RSRC1: variants seen among roughly 807,000 people sequenced by gnomAD.
The protein encoded by RSRC1 is arginine and serine rich coiled-coil 1.
In RSRC1, 39 loss-of-function variants were observed where a neutral mutation model predicts 49.1. That is an observed-to-expected ratio of 0.79 (90% CI 0.61 to 1.04). The LOEUF (loss-of-function observed/expected upper bound fraction) is 1.04. Ranked by LOEUF, RSRC1 falls within the 50% of genes least tolerant of loss-of-function variation. The pLI, the probability that RSRC1 is intolerant of heterozygous loss-of-function variation, is 0.00. For missense variants in RSRC1, 388 were observed against 402.4 expected (o/e 0.96, Z 0.31); for synonymous variants, 143 against 130.8 (o/e 1.09, Z -0.63).
At chr3:158,517,573 A>C (rs1426733557) in intron 7 of RSRC1, among the ~76,000 whole-genome samples, 1 of 148,924 alleles carries the variant, frequency 6.7e-6, no homozygotes, top group African/African-American at 2.5e-5. Context: ...TTCAACTTCA[A>C]GTAAATAGTA....
chr3:158,517,633 C>A (rs144775226), intron 7 of RSRC1, among the ~76,000 whole-genome samples: 1 of 151,000 alleles, frequency 6.6e-6, no homozygotes, highest in African/African-American at 2.4e-5. Flanking sequence ...TGCTGTGTTG[C>A]CCCAGGTAGA....
chr3:158,452,170 T>C (rs12496739), intron 6 of RSRC1, among the ~76,000 whole-genome samples: 20,474 of 152,144 alleles, frequency 0.13, 1,493 homozygotes, highest in Middle Eastern at 0.2. Flanking sequence ...AAAAAGAGCA[T>C]TAAATTAATA....
intron 6 of RSRC1, among the ~76,000 whole-genome samples, chr3:158,423,105 C>T (rs1366306055): frequency 6.6e-6 from 1 of 151,854 alleles, no homozygotes; most frequent in African/African-American, 2.4e-5. Context: ...TCAATTTTGG[C>T]TTTTGTTGCC....
chr3:158,112,590 A>G (rs1377427809), intron 1 of RSRC1, among the ~76,000 whole-genome samples: 1 of 152,196 alleles, frequency 6.6e-6, no homozygotes, highest in Non-Finnish European at 1.5e-5. Flanking sequence ...TGAAATGTAA[A>G]TGTGTCACTT....
intron 5 of RSRC1, among the ~76,000 whole-genome samples, chr3:158,318,026 C>CGTGTGTGT (rs143213290): frequency 6.7e-6 from 1 of 149,308 alleles, no homozygotes; most frequent in African/African-American, 2.5e-5. Context: ...TTTGTGTGTG[C>CGTGTGTGT]GTGTGTGTGT....
At chr3:158,438,174 C>A (rs1216672998) in intron 6 of RSRC1, among the ~76,000 whole-genome samples, 1 of 152,116 alleles carries the variant, frequency 6.6e-6, no homozygotes, top group Non-Finnish European at 1.5e-5. Flanking sequence ...AGAGAGGACA[C>A]AAACCAGTGG....
intron 4 of RSRC1, among the ~76,000 whole-genome samples, chr3:158,276,931 A>T (rs1297581115): frequency 6.6e-6 from 1 of 152,220 alleles, no homozygotes; most frequent in Admixed American, 6.5e-5. Context: ...AAATAACCTC[A>T]TATGGATATA....
At chr3:158,175,767 T>A (rs1719170174) in intron 3 of RSRC1, among the ~76,000 whole-genome samples, 1 of 152,218 alleles carries the variant, frequency 6.6e-6, no homozygotes, top group African/African-American at 2.4e-5. Flanking sequence ...GTAGATTTGG[T>A]CTTTTTACAT....
At chr3:158,265,308 A>T (rs906755161) in intron 4 of RSRC1, among the ~76,000 whole-genome samples, 1 of 152,046 alleles carries the variant, frequency 6.6e-6, no homozygotes, top group African/African-American at 2.4e-5. Context: ...CTGTTTACTT[A>T]TCTTGAACCA....
chr3:158,526,328 G>A (rs760219044), intron 7 of RSRC1, among the ~76,000 whole-genome samples: 27 of 152,044 alleles, frequency 1.8e-4, no homozygotes, highest in Admixed American at 5.2e-4. Context: ...AATGGGAAGC[G>A]TAGAGGATGT....
rs375305594 is a variant in RSRC1, at chr3:158,470,321, AACAC to A, written c.652+9356_652+9359del. On this transcript the variant is annotated intron_variant, in intron 7 of 9. Transcript: ENST00000611884. ...AGCCTTGTTTTTCTCTGCTCTTAGAAACACACACACACACACACACACACACACA... is the reference window on the plus strand; with the variant it reads ...AGCCTTGTTTTTCTCTGCTCTTAGAAACACACACACACACACACACACACA... 6.3e-3 allele frequency among the ~76,000 whole-genome samples: 866 copies of A among 136,824 alleles called. 2 individuals are homozygous for A. Among genetic ancestry groups the A allele is most frequent in the Middle Eastern group, 0.016 (4 of 258 alleles). The allele number at this position is 136,824 out of a possible 152,430, so 89.8% of individuals were successfully genotyped here.
At chr3:158,421,005 A>T (rs894887840) in intron 6 of RSRC1, among the ~76,000 whole-genome samples, 4 of 151,948 alleles carry the variant, frequency 2.6e-5, no homozygotes, top group Non-Finnish European at 5.9e-5. Context: ...ATAACAGACA[A>T]GGCCAAATAT....
At chr3:158,184,368 T>G (rs921804208) in intron 3 of RSRC1, among the ~76,000 whole-genome samples, 2 of 152,100 alleles carry the variant, frequency 1.3e-5, no homozygotes, top group Non-Finnish European at 2.9e-5. Context: ...GATTTCAAGT[T>G]TTCTTTCCTC....
chr3:158,306,280 C>CT (rs1424167709), intron 5 of RSRC1, among the ~76,000 whole-genome samples: 1 of 151,498 alleles, frequency 6.6e-6, no homozygotes. Flanking sequence ...TATTACTTAG[C>CT]TTTTTTTTAA....
intron 3 of RSRC1, among the ~76,000 whole-genome samples, chr3:158,146,601 G>A (rs1192547167): frequency 6.6e-6 from 1 of 151,932 alleles, no homozygotes; most frequent in East Asian, 1.9e-4. Context: ...TTTTTTTGTT[G>A]TGTCTCTGCC....
At chr3:158,443,196 G>A (rs1243594860) in intron 6 of RSRC1, among the ~76,000 whole-genome samples, 2 of 152,110 alleles carry the variant, frequency 1.3e-5, no homozygotes, top group Non-Finnish European at 2.9e-5. Context: ...CCCCTGACAC[G>A]AGAGTCAGCT....
intron 4 of RSRC1, among the ~76,000 whole-genome samples, chr3:158,278,556 T>C (rs1578277513): frequency 6.6e-6 from 1 of 152,360 alleles, no homozygotes; most frequent in East Asian, 1.9e-4. Flanking sequence ...CTGACATCTG[T>C]GGACTCATGA....
chr3:158,209,875 T>C (rs1721566754), intron 4 of RSRC1, among the ~76,000 whole-genome samples: 3 of 152,144 alleles, frequency 2.0e-5, no homozygotes, highest in Non-Finnish European at 2.9e-5. Flanking sequence ...ACTAGTACCA[T>C]GTAGTAATCA....
intron 4 of RSRC1, among the ~76,000 whole-genome samples, chr3:158,256,181 T>C (rs1724544635): frequency 1.3e-5 from 2 of 152,316 alleles, no homozygotes; most frequent in South Asian, 2.1e-4. Context: ...CCATTCAGTA[T>C]GATATTGGCT....
Sources: allele counts gnomAD v4.1 joint callset (sites outside exome capture counted in the v4.1 genomes callset), GRCh38; gene constraint gnomAD v4.1.1; transcripts MANE v1.5; gene names NCBI Gene and HGNC (gene_info 2026-07-23, HGNC 2026-07-21).